Variants in MAPK14 observed in about 807,000 individuals in gnomAD.
MAPK14 encodes the protein CSAID-binding protein.
MAPK14 carries 16 observed loss-of-function variants against 49.6 expected under a neutral mutation model. That is an observed-to-expected ratio of 0.32 (90% CI 0.22 to 0.49). The LOEUF (loss-of-function observed/expected upper bound fraction) is 0.49. Ranked by LOEUF, MAPK14 falls within the 20% of genes least tolerant of loss-of-function variation. MAPK14 has a pLI of 0.99. For synonymous variants in MAPK14, 142 were observed against 158.0 expected (o/e 0.90, Z 0.76); for missense variants, 200 against 441.2 (o/e 0.45, Z 4.90).
intron 1 of MAPK14, among the ~76,000 whole-genome samples, chr6:36,050,331 G>C (rs765704199): frequency 1.3e-5 from 2 of 152,196 alleles, no homozygotes; most frequent in Non-Finnish European, 2.9e-5. Flanking sequence ...ATGACAATGA[G>C]GTTAACAAAT....
chr6:36,063,466 T>G (rs1763910880), intron 3 of MAPK14, among the ~76,000 whole-genome samples: 1 of 152,130 alleles, frequency 6.6e-6, no homozygotes, highest in Non-Finnish European at 1.5e-5. Context: ...GGTGCATGCC[T>G]GTAGTCCCAG....
the MAPK14 span, among the ~76,000 whole-genome samples, chr6:36,118,805 G>T: frequency 6.6e-6 from 1 of 152,176 alleles, no homozygotes; most frequent in Admixed American, 6.5e-5. Context: ...CTATCTGGAG[G>T]CAAACAGCCG....
intron 1 of MAPK14, among the ~76,000 whole-genome samples, chr6:36,043,497 T>C (rs1763046570): frequency 6.6e-6 from 1 of 152,248 alleles, no homozygotes; most frequent in South Asian, 2.1e-4. Context: ...AACAGTGATA[T>C]TTGCACATTT....
intron 8 of MAPK14, among the ~76,000 whole-genome samples, chr6:36,078,957 A>T (rs1463124505): frequency 6.6e-6 from 1 of 152,210 alleles, no homozygotes; most frequent in African/African-American, 2.4e-5. Flanking sequence ...AAAACTCTAG[A>T]TGCCTGGGGA....
chr6:36,033,386 G>A (rs539553494), intron 1 of MAPK14, among the ~76,000 whole-genome samples: 50 of 151,230 alleles, frequency 3.3e-4, no homozygotes, highest in African/African-American at 1.0e-3. Flanking sequence ...GTGCAATCTC[G>A]GCTCACGGCA....
chr6:36,041,674 T>A (rs1241646308), intron 1 of MAPK14, among the ~76,000 whole-genome samples: 1 of 152,224 alleles, frequency 6.6e-6, no homozygotes, highest in Non-Finnish European at 1.5e-5. Context: ...ACAGTAGTTA[T>A]AAAAATTACA....
intron 9 of MAPK14, 148 bp downstream of exon 9, chr6:36,096,214 A>T (rs906757909): frequency 1.6e-6 from 1 of 608,144 alleles, no homozygotes; most frequent in Non-Finnish European, 2.9e-6. Flanking sequence ...AGACAGTGTG[A>T]GTGTGTGTGT....
intron 3 of MAPK14, among the ~76,000 whole-genome samples, chr6:36,066,910 A>G (rs1043411814): frequency 1.3e-5 from 2 of 152,198 alleles, no homozygotes; most frequent in Non-Finnish European, 2.9e-5. Flanking sequence ...AGTTTTGGAA[A>G]TAATGCTGAA....
chr6:36,115,833 C>T (rs537956572), downstream of MAPK14, among the ~76,000 whole-genome samples: 8 of 149,892 alleles, frequency 5.3e-5, no homozygotes, highest in East Asian at 2.0e-4. Flanking sequence ...GAGGCTGAGG[C>T]GGGAAAATTG....
At chr6:36,050,939 A>G (rs1180559806) in intron 1 of MAPK14, among the ~76,000 whole-genome samples, 2 of 152,118 alleles carry the variant, frequency 1.3e-5, no homozygotes, top group African/African-American at 2.4e-5. Flanking sequence ...GGTATGCCAT[A>G]AAAGTTTGGG....
chr6:36,123,056 C>T, the MAPK14 span, among the ~76,000 whole-genome samples: 1 of 151,550 alleles, frequency 6.6e-6, no homozygotes, highest in Admixed American at 6.6e-5. Flanking sequence ...GGGAACACCT[C>T]CTTGTAGATG....
chr6:36,060,924 AG>A (rs1264547550), intron 3 of MAPK14, among the ~76,000 whole-genome samples: 1 of 152,216 alleles, frequency 6.6e-6, no homozygotes, highest in Non-Finnish European at 1.5e-5. Flanking sequence ...TAAGAAACAA[AG>A]GAAAAAAATA....
At chr6:36,057,646 G>A (rs1763638692) in intron 2 of MAPK14, among the ~76,000 whole-genome samples, 2 of 152,018 alleles carry the variant, frequency 1.3e-5, no homozygotes, top group African/African-American at 2.4e-5. Context: ...TTATACCCAG[G>A]AGGCAGAGGT....
intron 4 of MAPK14, 106 bp downstream of exon 4, chr6:36,073,090 A>G (rs1238919750): frequency 1.1e-5 from 8 of 745,584 alleles, no homozygotes; most frequent in Non-Finnish European, 1.9e-5. Context: ...GAAAATTCAA[A>G]CACATAAAAT....
In MAPK14 at chr6:36,108,285, A is replaced by AGAGAGGAAG. The variant is rs1478219940; in HGVS notation, c.1016-92_1016-84dup. 2.6e-5 allele frequency: 23 copies of AGAGAGGAAG among 895,640 alleles called. No individual in the cohort carries two copies. The East Asian group carries it at 5.6e-4, about 22-fold the overall frequency. 55.5% of individuals were successfully genotyped at this position (895,640 alleles called of 1,614,324 possible). A position where few individuals can be genotyped will look rare whatever the true frequency, so the allele number is the denominator to read the frequency against. On this transcript the variant is annotated intron_variant, in intron 11 of 11. Coordinates refer to ENST00000229794, the MANE Select transcript of MAPK14 (RefSeq NM_139012.3). ...TAGCCCATCAAACCACTACCTGGAC[A>AGAGAGGAAG]GAGAGGAAGGATCTTGAGCTTAGAA...
intron 2 of MAPK14, among the ~76,000 whole-genome samples, chr6:36,058,675 G>T (rs972650199): frequency 6.6e-5 from 10 of 152,106 alleles, no homozygotes; most frequent in Non-Finnish European, 4.4e-5. Context: ...GAAGTGGGAG[G>T]ATCGCTTGAG....
At chr6:36,050,465 C>T (rs1469421014) in intron 1 of MAPK14, among the ~76,000 whole-genome samples, 1 of 152,122 alleles carries the variant, frequency 6.6e-6, no homozygotes, top group Non-Finnish European at 1.5e-5. Context: ...TAGAATGTGA[C>T]CATGAAGATG....
rs1429198837 is a variant in MAPK14 at position 36,110,704 on chromosome 6, C to T, written c.*2257C>T. On this transcript the variant is annotated 3_prime_UTR_variant, in exon 12 of 12. Transcript: ENST00000229794. ...TGAACTTGGCTGTAATCAGTTATGCCGTATAGGATGTCAGACAATACCACT... is the reference window on the plus strand; with the variant it reads ...TGAACTTGGCTGTAATCAGTTATGCTGTATAGGATGTCAGACAATACCACT... The T allele has an allele frequency of 1.3e-5, 2 of 152,204 alleles. No individual in the cohort carries two copies. The highest frequency in any genetic ancestry group is 2.1e-4 in the South Asian group (1 of 4,822). The allele number at this position is 152,204 out of a possible 1,614,324, so 9.4% of individuals were successfully genotyped here.
intron 3 of MAPK14, among the ~76,000 whole-genome samples, chr6:36,062,976 A>C (rs1221392064): frequency 6.6e-6 from 1 of 152,048 alleles, no homozygotes; most frequent in African/African-American, 2.4e-5. Flanking sequence ...GCTTTTAATC[A>C]TGTGATACGT....
Sources: gnomAD v4.1 joint callset for allele counts (sites outside exome capture counted in the v4.1 genomes callset) on GRCh38, gnomAD v4.1.1 for gene constraint, MANE v1.5 for transcripts, NCBI Gene and HGNC (gene_info 2026-07-23, HGNC 2026-07-21) for gene names.